KIF26B: variants seen among roughly 807,000 people sequenced by gnomAD.
KIF26B encodes kinesin family member 26B.
A neutral mutation model predicts 151.2 loss-of-function variants in KIF26B; 63 were observed. The ratio of observed to expected loss-of-function variants is 0.42; its 90% CI spans 0.34 to 0.51. The LOEUF (loss-of-function observed/expected upper bound fraction) is 0.51, where lower values mean the gene tolerates loss of function less well. Among genes scored for constraint, KIF26B ranks in the 20% least tolerant of loss-of-function variants. The pLI, the probability that KIF26B is intolerant of heterozygous loss-of-function variation, is 0.07. For synonymous variants in KIF26B, 1,357 were observed against 1,262.1 expected (o/e 1.08, Z -1.59); for missense variants, 2,813 against 2,913.6 (o/e 0.97, Z 0.79).
Position 245,276,309 on chromosome 1 carries a change from T to G in KIF26B, c.466-90525T>G, listed in dbSNP as rs116034754. On this transcript the variant is annotated intron_variant, in intron 2 of 14. Coordinates refer to ENST00000407071, the MANE Select transcript of KIF26B (RefSeq NM_018012.4). ...GAGATTGCACCCCTGCACTCCAGCC[T>G]GGGCAACAGAGACTTCCATCTTAAA... is the stretch of plus-strand genomic sequence containing the variant. Among the ~76,000 whole-genome samples the G allele has an allele frequency of 5.3e-3, 806 of 152,056 alleles. 7 individuals are homozygous for G. Among genetic ancestry groups the G allele is most frequent in the African/African-American group, 0.019 (772 of 41,502 alleles).
At chr1:245,506,364 A>G (rs1660729395) in intron 4 of KIF26B, among the ~76,000 whole-genome samples, 1 of 152,238 alleles carries the variant, frequency 6.6e-6, no homozygotes. Flanking sequence ...CTATAAAGTA[A>G]TAAATTGTCC....
At chr1:245,303,216 T>TG (rs1292686737) in intron 2 of KIF26B, among the ~76,000 whole-genome samples, 39 of 134,188 alleles carry the variant, frequency 2.9e-4, no homozygotes, top group African/African-American at 1.1e-3. Flanking sequence ...TTTTTTTTTT[T>TG]GCGACGGAGT....
In KIF26B at chr1:245,402,745, G is replaced by A. The variant is rs547641858; in HGVS notation, c.1000-16834G>A. On this transcript the variant is annotated intron_variant, in intron 3 of 14. Transcript: ENST00000407071. ...GGATGGAAAATCAACTGAAAAAAGGGCAAGCTTAGTACACACTAGGTTTAT... is the reference window on the plus strand; with the variant it reads ...GGATGGAAAATCAACTGAAAAAAGGACAAGCTTAGTACACACTAGGTTTAT... 5.3e-5 allele frequency among the ~76,000 whole-genome samples: 8 copies of A among 152,298 alleles called. 1 individual carries two copies. The South Asian group carries it at 1.0e-3, about 20-fold the overall frequency.
rs780567755 is a variant in KIF26B, at chr1:245,686,060, C to A, written c.3077C>A (p.Pro1026Gln). Residue 1026 changes from proline (P) to glutamine (Q), a missense_variant, in exon 12 of 15, where the codon CCG becomes CAG. This residue lies in a region of KIF26B where 2,060 missense variants were observed against 2,088.6 expected (regional missense o/e 0.99). Coordinates refer to ENST00000407071, the MANE Select transcript of KIF26B (RefSeq NM_018012.4). The surrounding 1 kb of genome is among the most constrained non-coding windows in gnomAD (Gnocchi z 5.6). Reference protein sequence around the residue: ...SPSPASPRSVPGSSSQHSASP... With the variant: ...SPSPASPRSVQGSSSQHSASP... Reference sequence around the variant, plus strand: ...AGCCCGGCCTCACCCAGGAGCGTCCCGGGCAGCAGTAGCCAGCACAGCGCC... The same window carrying A: ...AGCCCGGCCTCACCCAGGAGCGTCCAGGGCAGCAGTAGCCAGCACAGCGCC... 2 of 1,596,218 alleles carry A rather than the reference C, an allele frequency of 1.3e-6. No homozygotes were observed. The highest frequency in any genetic ancestry group is 1.1e-5 in the South Asian group (1 of 89,090).
rs764560433 is a variant in KIF26B at position 245,540,546 on chromosome 1, T to C, written c.1167-221T>C. The C allele has an allele frequency of 2.1e-5, 15 of 700,146 alleles. No individual in the cohort carries two copies. Among genetic ancestry groups the C allele is most frequent in the Admixed American group, 4.0e-5 (2 of 49,858 alleles). The allele number at this position is 700,146 out of a possible 1,614,324, so 43.4% of individuals were successfully genotyped here. A position where few individuals can be genotyped will look rare whatever the true frequency, so the allele number is the denominator to read the frequency against. On this transcript the variant is annotated intron_variant, in intron 4 of 14. Transcript: ENST00000407071. The surrounding 1 kb of genome is among the most constrained non-coding windows in gnomAD (Gnocchi z 4.6). ...AAATCGTGATTGCAGAATCCTGCTA[T>C]TTTATGGCTTTGTTTTTCCTTTTGT...
chr1:245,687,701 C>G lies in KIF26B; in HGVS notation c.4718C>G (p.Ser1573Cys). 1 of 1,582,800 alleles carries G rather than the reference C, an allele frequency of 6.3e-7. No homozygotes were observed. The highest frequency in any genetic ancestry group is 8.6e-7 in the Non-Finnish European group (1 of 1,164,854). The part of the protein sequence containing the change: ...GVGAASGTPP[S>C]KATLEGKVAS... ...GGTGCAGCCTCGGGCACCCCGCCCTCCAAGGCTACCCTGGAGGGGAAGGTG... is the reference window on the plus strand; with the variant it reads ...GGTGCAGCCTCGGGCACCCCGCCCTGCAAGGCTACCCTGGAGGGGAAGGTG... The change falls in exon 12 of 15, where the codon TCC becomes TGC. Residue 1573 changes from serine (S) to cysteine (C), a missense_variant. By Grantham distance (112) the Ser-to-Cys change is moderately radical. Transcript: ENST00000407071. The surrounding 1 kb of genome is among the most constrained non-coding windows in gnomAD (Gnocchi z 4.9).
rs922026138 is a variant in KIF26B, at chr1:245,602,441, T to C, written c.1351-136T>C. The C allele has an allele frequency of 6.0e-6, 4 of 665,036 alleles. No homozygotes were observed. Among genetic ancestry groups the C allele is most frequent in the African/African-American group, 3.6e-5 (2 of 55,426 alleles). 41.2% of individuals were successfully genotyped at this position (665,036 alleles called of 1,614,324 possible). ...ACCAAGGATGATGTTGCTAATTCAC[T>C]GTGCATTTCATCATAATTTATCCTG... is the stretch of plus-strand genomic sequence containing the variant. On this transcript the variant is annotated intron_variant, in intron 5 of 14. Transcript: ENST00000407071. This position sits in a 1 kb window ranked among gnomAD's most constrained non-coding sequence, Gnocchi z 4.5.
intron 2 of KIF26B, among the ~76,000 whole-genome samples, chr1:245,199,155 GTGCAC>G (rs1299200580): frequency 2.0e-5 from 3 of 152,060 alleles, no homozygotes; most frequent in Admixed American, 1.3e-4. Flanking sequence ...CTTACTCCTG[GTGCAC>G]TGGTGAGGAA....
chr1:245,523,445 C>T lies in KIF26B; in HGVS notation c.1167-17322C>T, dbSNP rs538368429. Among the ~76,000 whole-genome samples, 10 of 152,250 alleles carry T rather than the reference C, an allele frequency of 6.6e-5. 1 individual carries two copies. The East Asian group carries it at 1.2e-3, about 18-fold the overall frequency. On this transcript the variant is annotated intron_variant, in intron 4 of 14. Coordinates refer to ENST00000407071, the MANE Select transcript of KIF26B (RefSeq NM_018012.4). ...ATCTAGAATCACAGACAATACCTGT[C>T]TTAGTTCCTTTGGGTCGTTATAACA... is the stretch of plus-strand genomic sequence containing the variant.
intron 2 of KIF26B, among the ~76,000 whole-genome samples, chr1:245,249,432 T>C (rs933357108): frequency 4.6e-5 from 7 of 151,752 alleles, no homozygotes; most frequent in Non-Finnish European, 8.8e-5. Flanking sequence ...ACAGAATTCC[T>C]GTTTCACAAC....
At chr1:245,420,897 G>A (rs757413309) in intron 4 of KIF26B, among the ~76,000 whole-genome samples, 47 of 152,202 alleles carry the variant, frequency 3.1e-4, no homozygotes, top group Non-Finnish European at 5.6e-4. Context: ...GGAGGACAGA[G>A]GGCTAAGACC....
intron 4 of KIF26B, chr1:245,511,164 G>A (rs1424625738): frequency 4.3e-6 from 3 of 705,518 alleles, no homozygotes; most frequent in South Asian, 3.1e-5. Context: ...CTGGAGTTAG[G>A]TGGTCTGTTT....
chr1:245,569,993 T>C (rs1312110125), intron 5 of KIF26B, among the ~76,000 whole-genome samples: 2 of 132,832 alleles, frequency 1.5e-5, no homozygotes, highest in African/African-American at 2.9e-5. Flanking sequence ...TGGAGTGCAG[T>C]GGCATGATCT....
intron 2 of KIF26B, among the ~76,000 whole-genome samples, chr1:245,303,387 A>G (rs1337300696): frequency 6.6e-6 from 1 of 150,474 alleles, no homozygotes; most frequent in Non-Finnish European, 1.5e-5. Context: ...TTTAGTAGAG[A>G]CGGGGTTTCA....
At chr1:245,508,196 T>C (rs1660762031) in intron 4 of KIF26B, among the ~76,000 whole-genome samples, 1 of 152,218 alleles carries the variant, frequency 6.6e-6, no homozygotes, top group Admixed American at 6.5e-5. Flanking sequence ...ATTCCATTCA[T>C]TCATTCATTC....
At position 245,166,597 on chromosome 1, in the gene KIF26B, G is replaced by T. The variant is rs1374179709; in HGVS notation, c.465+9914G>T. On this transcript the variant is annotated intron_variant, in intron 2 of 14. Transcript: ENST00000407071. The surrounding 1 kb of genome is among the most constrained non-coding windows in gnomAD (Gnocchi z 4.5). ...TGCAGATGTGGCATTTGGCATTTCG[G>T]CTCCGGGGAATGAGGGAGAGCAGAT... Among the ~76,000 whole-genome samples the T allele has an allele frequency of 6.6e-6, 1 of 152,158 alleles. No homozygotes were observed. The highest frequency in any genetic ancestry group is 1.5e-5 in the Non-Finnish European group (1 of 68,030).
At chr1:245,647,462 T>C (rs1327800770) in intron 10 of KIF26B, among the ~76,000 whole-genome samples, 2 of 150,700 alleles carry the variant, frequency 1.3e-5, no homozygotes, top group African/African-American at 2.4e-5. Context: ...AGAAAATTTA[T>C]TGTAGAATTT....
At position 245,535,903 on chromosome 1, in the gene KIF26B, A is replaced by T. The variant is rs567084358; in HGVS notation, c.1167-4864A>T. Among the ~76,000 whole-genome samples, 101 of 152,348 alleles carry T rather than the reference A, an allele frequency of 6.6e-4. 2 individuals are homozygous for T. The South Asian group carries it at 0.019, about 28-fold the overall frequency. On this transcript the variant is annotated intron_variant, in intron 4 of 14. Transcript: ENST00000407071. The stretch of plus-strand genomic sequence containing the variant: ...TAAATTCTCATAAAAAGTCTAAAAA[A>T]GTAGGTATTATTTTTGCTTCATCTT...
Position 245,681,198 on chromosome 1 carries a change from G to A in KIF26B, c.2259-3035G>A, listed in dbSNP as rs72764836. 4.6e-3 allele frequency among the ~76,000 whole-genome samples: 692 copies of A among 149,044 alleles called. 1 individual carries two copies. Among genetic ancestry groups the A allele is most frequent in the Non-Finnish European group, 7.6e-3 (516 of 67,478 alleles). On this transcript the variant is annotated intron_variant, in intron 10 of 14. Coordinates refer to ENST00000407071, the MANE Select transcript of KIF26B (RefSeq NM_018012.4). The stretch of plus-strand genomic sequence containing the variant: ...CGTTACATCCTTTTATCCGGTCTTT[G>A]GTAAGTTTTCTTTTCTTTTTTTTTT...
Sources: allele counts gnomAD v4.1 joint callset (sites outside exome capture counted in the v4.1 genomes callset), GRCh38; gene constraint gnomAD v4.1.1; regional missense constraint gnomAD v4.1.1; non-coding constraint Gnocchi (gnomAD v3.1); transcripts MANE v1.5; gene names NCBI Gene and HGNC (gene_info 2026-07-23, HGNC 2026-07-21).